Variants in IRX5 observed in about 807,000 individuals in gnomAD.
The protein encoded by IRX5 is iroquois-class homeodomain protein IRX-5.
A neutral mutation model predicts 37.6 loss-of-function variants in IRX5; 8 were observed. That is an observed-to-expected ratio of 0.21 (90% CI 0.12 to 0.38). The LOEUF (loss-of-function observed/expected upper bound fraction) is 0.38, where lower values mean the gene tolerates loss of function less well. Among genes scored for constraint, IRX5 ranks in the 10% least tolerant of loss-of-function variants. IRX5 has a pLI of 1.00. For synonymous variants in IRX5, 359 were observed against 328.6 expected (o/e 1.09, Z -1.00); for missense variants, 635 against 695.2 (o/e 0.91, Z 0.97).
In IRX5 at chr16:54,932,081, G is replaced by T; in HGVS notation, c.250-417G>T. The T allele has an allele frequency of 1.4e-6, 1 of 702,798 alleles. No homozygotes were observed. The highest frequency in any genetic ancestry group is 1.5e-5 in the South Asian group (1 of 67,592). The allele number at this position is 702,798 out of a possible 1,614,324, so 43.5% of individuals were successfully genotyped here. A position where few individuals can be genotyped will look rare whatever the true frequency, so the allele number is the denominator to read the frequency against. Reference sequence around the variant, plus strand: ...GTTGAAAAAAGAAAAAAAGAGCCTTGACTTCCCTTGTTTTCCCCCCTTGCG... The same window carrying T: ...GTTGAAAAAAGAAAAAAAGAGCCTTTACTTCCCTTGTTTTCCCCCCTTGCG... On this transcript the variant is annotated intron_variant, in intron 1 of 2. Transcript: ENST00000394636. The surrounding 1 kb of genome is among the most constrained non-coding windows in gnomAD (Gnocchi z 6.7).
intron 1 of IRX5, chr16:54,931,998 T>G (rs1963903168): frequency 1.5e-6 from 1 of 688,744 alleles, no homozygotes; most frequent in Admixed American, 2.1e-5. Context: ...TGGGGTAGTA[T>G]TTTTGGAGGG....
Position 54,933,295 on chromosome 16 carries a change from C to T in IRX5, c.874C>T (p.Pro292Ser), listed in dbSNP as rs1256616284. The T allele has an allele frequency of 7.2e-7, 1 of 1,397,196 alleles. No individual in the cohort carries two copies. Among genetic ancestry groups the T allele is most frequent in the Non-Finnish European group, 9.2e-7 (1 of 1,083,082 alleles). 86.5% of individuals were successfully genotyped at this position (1,397,196 alleles called of 1,614,324 possible). A position where few individuals can be genotyped will look rare whatever the true frequency, so the allele number is the denominator to read the frequency against. ...RLAEDPAPHY[P>S]AGAPAPGPHP... ...GGCGGAGGACCCGGCCCCTCACTAC[C>T]CCGCCGGAGCGCCGGCGCCCGGCCC... Residue 292 changes from proline to serine, a missense_variant, in exon 3 of 3, where the codon CCC (proline) becomes TCC (serine). Around this residue, in one of 5 missense-constraint regions of IRX5, gnomAD observed 244 missense variants for 205.4 expected, o/e 1.19. Transcript: ENST00000394636.
Position 54,932,882 on chromosome 16 carries a change from G to A in IRX5, c.634G>A (p.Asp212Asn). ...DEPQKPEDKG[D>N]PEGPEAGGAE... ...GCCCCAGAAGCCCGAGGACAAGGGC[G>A]ACCCCGAGGGCCCCGAAGCAGGTTG... Residue 212 changes from aspartate to asparagine, a missense_variant, in exon 2 of 3, where the codon GAC (aspartate) becomes AAC (asparagine). Asp to Asn is a conservative substitution (Grantham distance 23, BLOSUM62 1). Coordinates refer to ENST00000394636, the MANE Select transcript of IRX5 (RefSeq NM_005853.6). This position sits in a 1 kb window ranked among gnomAD's most constrained non-coding sequence, Gnocchi z 6.7. The A allele has an allele frequency of 6.2e-7, 1 of 1,611,424 alleles. No individual in the cohort carries two copies.
chr16:54,932,642 C>T lies in IRX5; in HGVS notation c.394C>T (p.Leu132Phe). Reference sequence around the variant, plus strand: ...CGCCACGGCTACCCTCAAGGCCTGGCTCAACGAGCACCGCAAGAACCCCTA... The same window carrying T: ...CGCCACGGCTACCCTCAAGGCCTGGTTCAACGAGCACCGCAAGAACCCCTA... ...RDATATLKAWLNEHRKNPYPT... is the reference protein window; with the variant it reads ...RDATATLKAWFNEHRKNPYPT... The change falls in exon 2 of 3, where the codon CTC (leucine) becomes TTC (phenylalanine). Residue 132 changes from leucine to phenylalanine, a missense_variant. By Grantham distance (22) the Leu-to-Phe change is conservative. This residue lies in a region of IRX5 where 55 missense variants were observed against 120.5 expected (regional missense o/e 0.46). Transcript: ENST00000394636. The surrounding 1 kb of genome is among the most constrained non-coding windows in gnomAD (Gnocchi z 6.7). The T allele has an allele frequency of 1.2e-6, 2 of 1,614,068 alleles. No individual in the cohort carries two copies. The highest frequency in any genetic ancestry group is 1.7e-6 in the Non-Finnish European group (2 of 1,180,030).
Position 54,933,764 on chromosome 16 carries a change from A to G in IRX5, c.1343A>G (p.Asn448Ser). 6.2e-7 allele frequency: 1 copy of G among 1,614,090 alleles called. No homozygotes were observed. The highest frequency in any genetic ancestry group is 2.2e-5 in the East Asian group (1 of 44,892). ...HFNGLNQTVL[N>S]RADALAKDPK... ...AATGGATTAAACCAGACCGTGTTGA[A>G]CCGAGCGGACGCTTTGGCTAAAGAC... is the stretch of plus-strand genomic sequence containing the variant. Residue 448 changes from asparagine (N) to serine (S), a missense_variant, in exon 3 of 3, where the codon AAC (asparagine) becomes AGC (serine). Physicochemically the swap from Asn to Ser is conservative, Grantham distance 46. Coordinates refer to ENST00000394636, the MANE Select transcript of IRX5 (RefSeq NM_005853.6).
In IRX5 at chr16:54,932,222, C is replaced by A; in HGVS notation, c.250-276C>A. 2 of 696,038 alleles carry A rather than the reference C, an allele frequency of 2.9e-6. No homozygotes were observed. The highest frequency in any genetic ancestry group is 1.5e-5 in the South Asian group (1 of 67,240). The allele number at this position is 696,038 out of a possible 1,614,324, so 43.1% of individuals were successfully genotyped here. A position where few individuals can be genotyped will look rare whatever the true frequency, so the allele number is the denominator to read the frequency against. The stretch of plus-strand genomic sequence containing the variant: ...ATCTGCGCACGGGGTACGGACGTGC[C>A]CGGGCAGATGGGGGCCTACGGGGTG... On this transcript the variant is annotated intron_variant, in intron 1 of 2. Coordinates refer to ENST00000394636, the MANE Select transcript of IRX5 (RefSeq NM_005853.6). The surrounding 1 kb of genome is among the most constrained non-coding windows in gnomAD (Gnocchi z 6.7).
rs1273750700 is a variant in IRX5 at position 54,932,173 on chromosome 16, G to A, written c.250-325G>A. The stretch of plus-strand genomic sequence containing the variant: ...CAGTTGCCCAGGCCTCTATCTGCAT[G>A]GAGGGCCGGGCCGCCGTGGCCAGAT... On this transcript the variant is annotated intron_variant, in intron 1 of 2. Coordinates refer to ENST00000394636, the MANE Select transcript of IRX5 (RefSeq NM_005853.6). The surrounding 1 kb of genome is among the most constrained non-coding windows in gnomAD (Gnocchi z 6.7). The A allele has an allele frequency of 1.4e-6, 1 of 702,866 alleles. No homozygotes were observed. Among genetic ancestry groups the A allele is most frequent in the South Asian group, 1.5e-5 (1 of 67,584 alleles). 43.5% of individuals were successfully genotyped at this position (702,866 alleles called of 1,614,324 possible). A position where few individuals can be genotyped will look rare whatever the true frequency, so the allele number is the denominator to read the frequency against.
At position 54,933,771 on chromosome 16, in the gene IRX5, G is replaced by A. The variant is rs1199163930; in HGVS notation, c.1350G>A (p.Ala450=). 1.2e-6 allele frequency: 2 copies of A among 1,614,100 alleles called. No individual in the cohort carries two copies. Among genetic ancestry groups the A allele is most frequent in the Admixed American group, 1.7e-5 (1 of 60,018 alleles). The change falls in exon 3 of 3, where the codon GCG becomes GCA. Residue 450 remains alanine, a synonymous_variant. Transcript: ENST00000394636. ...TAAACCAGACCGTGTTGAACCGAGC[G>A]GACGCTTTGGCTAAAGACCCGAAAA... ...NGLNQTVLNR[A]DALAKDPKML...
Position 54,932,893 on chromosome 16 carries a change from C to A in IRX5, c.645C>A (p.Gly215=), listed in dbSNP as rs1329922842. 1 of 1,609,914 alleles carries A rather than the reference C, an allele frequency of 6.2e-7. No homozygotes were observed. The highest frequency in any genetic ancestry group is 1.7e-5 in the Admixed American group (1 of 59,336). Residue 215 remains glycine (G), a synonymous_variant, in exon 2 of 3, where the codon GGC becomes GGA. Transcript: ENST00000394636. This position sits in a 1 kb window ranked among gnomAD's most constrained non-coding sequence, Gnocchi z 6.7. ...QKPEDKGDPE[G]PEAGGAEQKA... is the part of the protein sequence containing the mutation. ...CCGAGGACAAGGGCGACCCCGAGGG[C>A]CCCGAAGCAGGTTGGTGGACATGGG...
chr16:54,933,677 G>C lies in IRX5; in HGVS notation c.1256G>C (p.Gly419Ala). The change falls in exon 3 of 3, where the codon GGA (glycine) becomes GCA (alanine). Residue 419 changes from glycine (G) to alanine (A), a missense_variant. By Grantham distance (60) the Gly-to-Ala change is moderately conservative. Around this residue, in one of 5 missense-constraint regions of IRX5, gnomAD observed 188 missense variants for 200.8 expected, o/e 0.94. Coordinates refer to ENST00000394636, the MANE Select transcript of IRX5 (RefSeq NM_005853.6). ...YPGYTNYGSFGHLHGHPGPGP... is the reference protein window; with the variant it reads ...YPGYTNYGSFAHLHGHPGPGP... ...GGCTACACGAACTATGGCTCCTTCG[G>C]ACACCTTCATGGCCACCCGGGGCCC... is the stretch of plus-strand genomic sequence containing the variant. 6.2e-7 allele frequency: 1 copy of C among 1,613,416 alleles called. No individual in the cohort carries two copies. Among genetic ancestry groups the C allele is most frequent in the South Asian group, 1.1e-5 (1 of 91,068 alleles).
Position 54,932,858 on chromosome 16 carries a change from C to T in IRX5, c.610C>T (p.Pro204Ser), listed in dbSNP as rs1963916138. ...IDLEKNDEDE[P>S]QKPEDKGDPE... is the part of the protein sequence containing the mutation. ...CCTGGAGAAGAACGACGAGGACGAG[C>T]CCCAGAAGCCCGAGGACAAGGGCGA... Residue 204 changes from proline to serine, a missense_variant, in exon 2 of 3, where the codon CCC (proline) becomes TCC (serine). Physicochemically the swap from Pro to Ser is moderately conservative, Grantham distance 74. Around this residue, in one of 5 missense-constraint regions of IRX5, gnomAD observed 244 missense variants for 205.4 expected, o/e 1.19. Coordinates refer to ENST00000394636, the MANE Select transcript of IRX5 (RefSeq NM_005853.6). This position sits in a 1 kb window ranked among gnomAD's most constrained non-coding sequence, Gnocchi z 6.7. 1 of 1,613,844 alleles carries T rather than the reference C, an allele frequency of 6.2e-7. No individual in the cohort carries two copies. The highest frequency in any genetic ancestry group is 8.5e-7 in the Non-Finnish European group (1 of 1,179,898).
At position 54,932,372 on chromosome 16, in the gene IRX5, A is replaced by G. The variant is rs1481232767; in HGVS notation, c.250-126A>G. On this transcript the variant is annotated intron_variant, in intron 1 of 2. Transcript: ENST00000394636. This position sits in a 1 kb window ranked among gnomAD's most constrained non-coding sequence, Gnocchi z 6.7. Reference sequence around the variant, plus strand: ...CTGAACCCCGCCAGCCTTGCCCCGTAGGAAGCTGGAGTGCGGGCCTCGTCC... The same window carrying G: ...CTGAACCCCGCCAGCCTTGCCCCGTGGGAAGCTGGAGTGCGGGCCTCGTCC... 2 of 1,095,304 alleles carry G rather than the reference A, an allele frequency of 1.8e-6. No individual in the cohort carries two copies. Among genetic ancestry groups the G allele is most frequent in the East Asian group, 5.1e-5 (2 of 39,428 alleles). 67.8% of individuals were successfully genotyped at this position (1,095,304 alleles called of 1,614,324 possible).
rs1396157987 is a variant in IRX5 at position 54,932,949 on chromosome 16, AAAG to A, written c.655+48_655+50del. ...GCGTGTTGGGCGGGAGTAAAAAGGAAAAGAGAGGCCTGGAGGGGGCGCGCACGG... is the reference window on the plus strand; with the variant it reads ...GCGTGTTGGGCGGGAGTAAAAAGGAAAGAGGCCTGGAGGGGGCGCGCACGG... On this transcript the variant is annotated intron_variant, in intron 2 of 2. Coordinates refer to ENST00000394636, the MANE Select transcript of IRX5 (RefSeq NM_005853.6). The surrounding 1 kb of genome is among the most constrained non-coding windows in gnomAD (Gnocchi z 6.7). 6.3e-7 allele frequency: 1 copy of A among 1,586,026 alleles called. No individual in the cohort carries two copies. The highest frequency in any genetic ancestry group is 1.1e-5 in the South Asian group (1 of 87,010).
Position 54,932,309 on chromosome 16 carries a change from C to T in IRX5, c.250-189C>T. 2 of 697,146 alleles carry T rather than the reference C, an allele frequency of 2.9e-6. No homozygotes were observed. The highest frequency in any genetic ancestry group is 1.7e-5 in the South Asian group (1 of 57,300). The allele number at this position is 697,146 out of a possible 1,614,324, so 43.2% of individuals were successfully genotyped here. On this transcript the variant is annotated intron_variant, in intron 1 of 2. Coordinates refer to ENST00000394636, the MANE Select transcript of IRX5 (RefSeq NM_005853.6). The surrounding 1 kb of genome is among the most constrained non-coding windows in gnomAD (Gnocchi z 6.7). ...GACCTGACCCAGAAATTGAGGTCCC[C>T]GCTGCCTTCTGAGGAGGGGGAGGAG...
At position 54,932,937 on chromosome 16, in the gene IRX5, G is replaced by T; in HGVS notation, c.655+34G>T. On this transcript the variant is annotated intron_variant, in intron 2 of 2. Transcript: ENST00000394636. This position sits in a 1 kb window ranked among gnomAD's most constrained non-coding sequence, Gnocchi z 6.7. ...ACATGGGAAAGGGCGTGTTGGGCGG[G>T]AGTAAAAAGGAAAAGAGAGGCCTGG... 1.3e-6 allele frequency: 2 copies of T among 1,588,550 alleles called. No individual in the cohort carries two copies. The highest frequency in any genetic ancestry group is 1.7e-6 in the Non-Finnish European group (2 of 1,169,090).
chr16:54,933,017 C>T, intron 2 of IRX5, 60 bp from the exon 3 acceptor site: 2 of 1,602,784 alleles, frequency 1.2e-6, no homozygotes, highest in Non-Finnish European at 1.7e-6. Flanking sequence ...CCTTTGCGGG[C>T]GGGAACCGGG....
At chr16:54,931,944 C>T (rs1401770112) in intron 1 of IRX5, 1 of 624,986 alleles carries the variant, frequency 1.6e-6, no homozygotes, top group Non-Finnish European at 2.9e-6. Context: ...GTCGGTCGAG[C>T]TGCGGTGCAT....
chr16:54,931,614 C>T (rs531292949), intron 1 of IRX5, among the ~76,000 whole-genome samples, 167 bp downstream of exon 1: 42 of 152,334 alleles, frequency 2.8e-4, no homozygotes, highest in Non-Finnish European at 5.4e-4. Context: ...AGGCCTTGGA[C>T]TCAAGAGTTG....
Position 54,932,752 on chromosome 16 carries a change from C to T in IRX5, c.504C>T (p.Arg168=), listed in dbSNP as rs1357903464. The T allele has an allele frequency of 1.2e-6, 2 of 1,614,066 alleles. No homozygotes were observed. The highest frequency in any genetic ancestry group is 2.2e-5 in the South Asian group (2 of 91,080). ...TQVSTWFANA[R]RRLKKENKMT... is the part of the protein sequence containing the mutation. ...TGTCCACCTGGTTCGCCAACGCGCGCCGGCGCCTCAAGAAAGAGAATAAAA... is the reference window on the plus strand; with the variant it reads ...TGTCCACCTGGTTCGCCAACGCGCGTCGGCGCCTCAAGAAAGAGAATAAAA... Residue 168 remains arginine (R), a synonymous_variant, in exon 2 of 3, where the codon CGC becomes CGT. Transcript: ENST00000394636. The surrounding 1 kb of genome is among the most constrained non-coding windows in gnomAD (Gnocchi z 6.7).
Sources: gnomAD v4.1 joint callset for allele counts (sites outside exome capture counted in the v4.1 genomes callset) on GRCh38, gnomAD v4.1.1 for gene constraint, gnomAD v4.1.1 regional missense constraint, Gnocchi (gnomAD v3.1) non-coding constraint, MANE v1.5 for transcripts, NCBI Gene and HGNC (gene_info 2026-07-23, HGNC 2026-07-21) for gene names.